Variants in TVP23A observed in about 807,000 individuals in gnomAD.
The protein encoded by TVP23A is Golgi apparatus membrane protein TVP23 homolog A.
A neutral mutation model predicts 31.7 loss-of-function variants in TVP23A; 21 were observed. That is an observed-to-expected ratio of 0.66 (90% CI 0.47 to 0.95). TVP23A has a LOEUF of 0.95. TVP23A is among the 40% of genes least tolerant of loss of function. TVP23A has a pLI of 0.00. For synonymous variants in TVP23A, 104 were observed against 96.0 expected, an observed-to-expected ratio of 1.08 and a Z score of -0.49; for missense variants, 279 against 255.6, an observed-to-expected ratio of 1.09 and a Z score of -0.62.
Position 10,818,210 on chromosome 16 carries a change from G to A in TVP23A, c.10-28C>T. 3 of 1,575,754 alleles carry A rather than the reference G, an allele frequency of 1.9e-6. No homozygotes were observed. Among genetic ancestry groups the A allele is most frequent in the Non-Finnish European group, 2.6e-6 (3 of 1,158,042 alleles). On this transcript the variant is annotated intron_variant, in intron 1 of 7. Coordinates refer to ENST00000299866, the MANE Select transcript of TVP23A (RefSeq NM_001079512.4). This position sits in a 1 kb window ranked among gnomAD's most constrained non-coding sequence, Gnocchi z 4.7. ...GGGAGGAGAGCAAGGGCAGGTGGCA[G>A]GCCCAAGCACGGCGCACACCCCAAC...
intron 2 of TVP23A, among the ~76,000 whole-genome samples, chr16:10,809,246 G>A (rs1453361214): frequency 6.6e-6 from 1 of 152,226 alleles, no homozygotes; most frequent in East Asian, 1.9e-4. Context: ...TACCCAGAAG[G>A]TGTCATGGTC....
Position 10,818,550 on chromosome 16 carries a change from C to A in TVP23A, c.-57G>T. The A allele has an allele frequency of 1.3e-6, 2 of 1,581,368 alleles. No individual in the cohort carries two copies. Among genetic ancestry groups the A allele is most frequent in the East Asian group, 4.6e-5 (2 of 43,346 alleles). Reference sequence around the variant, plus strand: ...CCCGGGGCTCCAGCTCCGCCCGTCGCCGCTGAAGGGGTCGGACGCCGGGCG... The same window carrying A: ...CCCGGGGCTCCAGCTCCGCCCGTCGACGCTGAAGGGGTCGGACGCCGGGCG... On this transcript the variant is annotated 5_prime_UTR_variant, in exon 1 of 8. Transcript: ENST00000299866. This position sits in a 1 kb window ranked among gnomAD's most constrained non-coding sequence, Gnocchi z 4.7.
downstream of TVP23A, among the ~76,000 whole-genome samples, chr16:10,762,598 G>A (rs1368223823): frequency 6.6e-6 from 1 of 152,242 alleles, no homozygotes; most frequent in Non-Finnish European, 1.5e-5. Context: ...GGCTCCTGCG[G>A]GGCGTCCAGC....
chr16:10,795,597 G>A (rs762033284), intron 2 of TVP23A, among the ~76,000 whole-genome samples: 14 of 152,104 alleles, frequency 9.2e-5, no homozygotes, highest in African/African-American at 2.7e-4. Flanking sequence ...CATGGAAGAC[G>A]CAGGGGACCG....
Position 10,798,086 on chromosome 16 carries a change from G to C in TVP23A, c.89+20017C>G, listed in dbSNP as rs1294854796. Among the ~76,000 whole-genome samples, 19 of 150,630 alleles carry C rather than the reference G, an allele frequency of 1.3e-4. No homozygotes were observed. The South Asian group carries it at 1.7e-3, about 13-fold the overall frequency. On this transcript the variant is annotated intron_variant, in intron 2 of 7. Transcript: ENST00000299866. Reference sequence around the variant, plus strand: ...TTCCCCTGCCTCAGCCTCCCGAGTAGCTGGGACTACAGGCACCTGCCACCA... The same window carrying C: ...TTCCCCTGCCTCAGCCTCCCGAGTACCTGGGACTACAGGCACCTGCCACCA...
chr16:10,761,137 A>T, downstream of TVP23A: 1 of 429,476 alleles, frequency 2.3e-6, no homozygotes, highest in Non-Finnish European at 4.3e-6. Flanking sequence ...CCATGATCCA[A>T]TCACCTCCCA....
chr16:10,768,125 G>C lies in TVP23A; in HGVS notation c.*977C>G. 8.3e-7 allele frequency: 1 copy of C among 1,204,300 alleles called. No homozygotes were observed. The highest frequency in any genetic ancestry group is 1.2e-6 in the Non-Finnish European group (1 of 823,478). 74.6% of individuals were successfully genotyped at this position (1,204,300 alleles called of 1,614,324 possible). A position where few individuals can be genotyped will look rare whatever the true frequency, so the allele number is the denominator to read the frequency against. ...GTGTGGAAGGACAGGTGGGTGGTGG[G>C]GTCTGTGATGACCACAGAGTGGCCC... is the stretch of plus-strand genomic sequence containing the variant. On this transcript the variant is annotated 3_prime_UTR_variant, in exon 8 of 8. Coordinates refer to ENST00000299866, the MANE Select transcript of TVP23A (RefSeq NM_001079512.4). This position sits in a 1 kb window ranked among gnomAD's most constrained non-coding sequence, Gnocchi z 4.3.
At position 10,767,585 on chromosome 16, in the gene TVP23A, C is replaced by A. The variant is rs1235696182; in HGVS notation, c.*1517G>T. On this transcript the variant is annotated 3_prime_UTR_variant, in exon 8 of 8. Transcript: ENST00000299866. This position sits in a 1 kb window ranked among gnomAD's most constrained non-coding sequence, Gnocchi z 4.6. ...TCGGACTTGGCCTTTTATGCCATAT[C>A]CTTTTGCATTCTGTACTTTTTTTAA... 2.2e-6 allele frequency: 1 copy of A among 450,990 alleles called. No homozygotes were observed. The highest frequency in any genetic ancestry group is 3.9e-6 in the Non-Finnish European group (1 of 257,564). 27.9% of individuals were successfully genotyped at this position (450,990 alleles called of 1,614,324 possible).
downstream of TVP23A, among the ~76,000 whole-genome samples, chr16:10,759,608 T>C (rs570013937): frequency 1.8e-4 from 28 of 152,194 alleles, no homozygotes; most frequent in African/African-American, 6.7e-4. This position sits in a 1 kb window ranked among gnomAD's most constrained non-coding sequence, Gnocchi z 4.7. Flanking sequence ...ACCCTGTCTC[T>C]ACCAAAAAAA....
intron 2 of TVP23A, among the ~76,000 whole-genome samples, chr16:10,776,306 C>T (rs142415435): frequency 7.2e-5 from 11 of 151,798 alleles, no homozygotes; most frequent in African/African-American, 1.9e-4. Flanking sequence ...ACCTGGGAGG[C>T]GGAGGTTGCA....
chr16:10,802,276 GTGTGTGTGTA>G (rs879375113), intron 2 of TVP23A, among the ~76,000 whole-genome samples: 2,935 of 113,370 alleles, frequency 0.026, 106 homozygotes, highest in African/African-American at 0.15. Context: ...GTGTGTGTGT[GTGTGTGTGTA>G]TATGTGTGTG....
chr16:10,786,307 C>T (rs1462931795), intron 2 of TVP23A, among the ~76,000 whole-genome samples: 1 of 152,126 alleles, frequency 6.6e-6, no homozygotes, highest in Non-Finnish European at 1.5e-5. Flanking sequence ...GGTGCAGTGG[C>T]TTAGGCCTGT....
At chr16:10,778,764 G>A (rs777077233) in intron 2 of TVP23A, among the ~76,000 whole-genome samples, 15 of 152,096 alleles carry the variant, frequency 9.9e-5, no homozygotes, top group South Asian at 2.1e-4. Context: ...TCAGGAGTTC[G>A]AGACCAGCCT....
chr16:10,798,025 G>A (rs528547516), intron 2 of TVP23A, among the ~76,000 whole-genome samples: 152 of 142,906 alleles, frequency 1.1e-3, no homozygotes, highest in Non-Finnish European at 1.7e-3. Context: ...GCGCCATCTC[G>A]GCTCACTGCA....
intron 5 of TVP23A, among the ~76,000 whole-genome samples, chr16:10,772,426 G>C (rs1179040213): frequency 1.3e-5 from 2 of 152,112 alleles, no homozygotes; most frequent in African/African-American, 4.8e-5. Context: ...CTGAAGTGCT[G>C]TGGCACGATC....
At chr16:10,788,594 C>T (rs957488903) in intron 2 of TVP23A, among the ~76,000 whole-genome samples, 4 of 152,084 alleles carry the variant, frequency 2.6e-5, no homozygotes, top group Admixed American at 6.6e-5. Flanking sequence ...AAGGTGGGAG[C>T]CAGGGGGCCA....
At position 10,775,617 on chromosome 16, in the gene TVP23A, G is replaced by C. The variant is rs1028921856; in HGVS notation, c.90-521C>G. 7 of 869,982 alleles carry C rather than the reference G, an allele frequency of 8.0e-6. No homozygotes were observed. The African/African-American group carries it at 1.1e-4, about 14-fold the overall frequency. The allele number at this position is 869,982 out of a possible 1,614,324, so 53.9% of individuals were successfully genotyped here. A position where few individuals can be genotyped will look rare whatever the true frequency, so the allele number is the denominator to read the frequency against. ...CATCATACTTGCTCAGTGGTGAATG[G>C]CACGTGAATCCTGGCATTTAATCTA... On this transcript the variant is annotated intron_variant, in intron 2 of 7. Coordinates refer to ENST00000299866, the MANE Select transcript of TVP23A (RefSeq NM_001079512.4).
intron 2 of TVP23A, among the ~76,000 whole-genome samples, chr16:10,811,597 C>T (rs1371025913): frequency 6.6e-6 from 1 of 152,018 alleles, no homozygotes; most frequent in Non-Finnish European, 1.5e-5. Flanking sequence ...AAATTAAACA[C>T]ACACACACAC....
At chr16:10,799,441 C>G (rs897719661) in intron 2 of TVP23A, among the ~76,000 whole-genome samples, 1 of 152,190 alleles carries the variant, frequency 6.6e-6, no homozygotes, top group African/African-American at 2.4e-5. Context: ...TCAAATGATT[C>G]TACTGCCTCA....
Sources: gnomAD v4.1 joint callset for allele counts (sites outside exome capture counted in the v4.1 genomes callset) on GRCh38, gnomAD v4.1.1 for gene constraint, Gnocchi (gnomAD v3.1) non-coding constraint, MANE v1.5 for transcripts, NCBI Gene and HGNC (gene_info 2026-07-23, HGNC 2026-07-21) for gene names.